Variants in ZFYVE9 observed in about 807,000 individuals in gnomAD.
ZFYVE9 encodes the protein zinc finger FYVE-type containing 9.
ZFYVE9 carries 43 observed loss-of-function variants against 126.7 expected under a neutral mutation model. The observed-to-expected ratio is 0.34, with a 90% CI of 0.27 to 0.44. The LOEUF is 0.44. Ranked by LOEUF, ZFYVE9 falls within the 20% of genes least tolerant of loss-of-function variation. ZFYVE9 has a pLI of 1.00. For synonymous variants in ZFYVE9, 521 were observed against 597.4 expected (o/e 0.87, Z 1.87); for missense variants, 1,476 against 1,697.0 (o/e 0.87, Z 2.29).
In ZFYVE9 at chr1:52,238,327, C is replaced by A. The variant is rs772697489; in HGVS notation, c.910C>A (p.Leu304Ile). The change falls in exon 4 of 19, where the codon CTA becomes ATA. Residue 304 changes from leucine (L) to isoleucine (I), a missense_variant. Transcript: ENST00000287727. Reference protein sequence around the residue: ...TGKISSPRTDLGSPNSFSHMS... With the variant: ...TGKISSPRTDIGSPNSFSHMS... ...CAAAATCAGCTCTCCTAGGACAGATCTAGGGAGTCCAAATTCCTTTTCCCA... is the reference window on the plus strand; with the variant it reads ...CAAAATCAGCTCTCCTAGGACAGATATAGGGAGTCCAAATTCCTTTTCCCA... 1 of 1,613,528 alleles carries A rather than the reference C, an allele frequency of 6.2e-7. No individual in the cohort carries two copies. The highest frequency in any genetic ancestry group is 1.3e-5 in the African/African-American group (1 of 74,904).
At chr1:52,344,071 CA>C (rs112122608) in intron 17 of ZFYVE9, among the ~76,000 whole-genome samples, 1,941 of 89,746 alleles carry the variant, frequency 0.022, 14 homozygotes, top group African/African-American at 0.057. Flanking sequence ...ACTTTGTTTC[CA>C]AAAAAAAAAA....
intron 1 of ZFYVE9, among the ~76,000 whole-genome samples, chr1:52,186,066 C>T (rs1294230336): frequency 6.6e-6 from 1 of 151,710 alleles, no homozygotes; most frequent in Non-Finnish European, 1.5e-5. Context: ...CATGGTGAAA[C>T]CCCATCTCTA....
intron 1 of ZFYVE9, among the ~76,000 whole-genome samples, chr1:52,187,087 C>T (rs1221667216): frequency 4.6e-5 from 7 of 152,086 alleles, no homozygotes. Flanking sequence ...GCTACAGTAA[C>T]CAAAACAGCA....
intron 12 of ZFYVE9, among the ~76,000 whole-genome samples, chr1:52,299,349 A>T (rs904103121): frequency 6.6e-6 from 1 of 152,184 alleles, no homozygotes; most frequent in East Asian, 1.9e-4. Flanking sequence ...GTATAGGGTC[A>T]TGTCATTTGC....
rs1287338030 is a variant in ZFYVE9 at position 52,293,393 on chromosome 1, A to AG, written c.3026-60_3026-59insG. The AG allele has an allele frequency of 2.4e-4, 312 of 1,319,484 alleles. No homozygotes were observed. The African/African-American group carries it at 4.4e-3, about 19-fold the overall frequency. The allele number at this position is 1,319,484 out of a possible 1,614,324, so 81.7% of individuals were successfully genotyped here. The stretch of plus-strand genomic sequence containing the variant: ...CTCCGTCTCAAAAAAAAAAAAAAAA[A>AG]AAAAAGAAATATGATTAATTTATTG... On this transcript the variant is annotated intron_variant, in intron 10 of 18. Transcript: ENST00000287727.
In ZFYVE9 at chr1:52,266,816, C is replaced by G. The variant is rs1645638350; in HGVS notation, c.2440C>G (p.His814Asp). Residue 814 changes from histidine (H) to aspartate (D), a missense_variant, in exon 6 of 19, where the codon CAC becomes GAC. His to Asp is a moderately conservative substitution (Grantham distance 81). Transcript: ENST00000287727. ...GATGGTACCTGTGGGAGTTTTAAAGCACCCTGGAGCAGAAGGTAGGGGATC... is the reference window on the plus strand; with the variant it reads ...GATGGTACCTGTGGGAGTTTTAAAGGACCCTGGAGCAGAAGGTAGGGGATC... ...TVMVPVGVLK[H>D]PGAEVAQPRE... 1 of 1,599,416 alleles carries G rather than the reference C, an allele frequency of 6.3e-7. No individual in the cohort carries two copies. The highest frequency in any genetic ancestry group is 1.3e-5 in the African/African-American group (1 of 74,266).
chr1:52,251,723 A>G (rs561532307), intron 4 of ZFYVE9, among the ~76,000 whole-genome samples: 1 of 152,204 alleles, frequency 6.6e-6, no homozygotes, highest in Non-Finnish European at 1.5e-5. Flanking sequence ...GGAGTTAGGA[A>G]GTATTTCCTC....
At chr1:52,177,364 G>T (rs991011603) in intron 1 of ZFYVE9, among the ~76,000 whole-genome samples, 1 of 152,120 alleles carries the variant, frequency 6.6e-6, no homozygotes, top group African/African-American at 2.4e-5. Context: ...TGGCCAGGCT[G>T]GTCTTGAACT....
At position 52,337,859 on chromosome 1, in the gene ZFYVE9, G is replaced by A; in HGVS notation, c.3758G>A (p.Gly1253Glu). The change falls in exon 16 of 19, where the codon GGG (glycine) becomes GAG (glutamate). Residue 1253 changes from glycine (G) to glutamate (E), a missense_variant. Gly to Glu is a moderately conservative substitution (Grantham distance 98). Transcript: ENST00000287727. ...ATGAAGGACTTCACCATCACCTGTG[G>A]GAAGGCGGACGCGGAGGAACCCCAG... The part of the protein sequence containing the change: ...REMKDFTITC[G>E]KADAEEPQEH... 1 of 1,614,248 alleles carries A rather than the reference G, an allele frequency of 6.2e-7. No homozygotes were observed. Among genetic ancestry groups the A allele is most frequent in the Non-Finnish European group, 8.5e-7 (1 of 1,180,040 alleles).
At chr1:52,252,109 G>T in intron 4 of ZFYVE9, 1 of 162,804 alleles carries the variant, frequency 6.1e-6, no homozygotes. Flanking sequence ...ATTTATTTTT[G>T]GTTATGATAG....
At chr1:52,292,299 C>A (rs552648318) in intron 10 of ZFYVE9, among the ~76,000 whole-genome samples, 90 of 140,454 alleles carry the variant, frequency 6.4e-4, no homozygotes, top group Admixed American at 2.8e-3. Flanking sequence ...AAAAAAAAAA[C>A]AAAACGAGAA....
chr1:52,296,274 G>A (rs1645974547), intron 12 of ZFYVE9, among the ~76,000 whole-genome samples: 1 of 151,892 alleles, frequency 6.6e-6, no homozygotes, highest in East Asian at 1.9e-4. Flanking sequence ...GTCCAACCTT[G>A]CAGAATTATT....
At chr1:52,266,960 G>A in intron 6 of ZFYVE9, 129 bp downstream of exon 6, 1 of 788,342 alleles carries the variant, frequency 1.3e-6, no homozygotes, top group Non-Finnish European at 1.9e-6. Context: ...TATTAAAATG[G>A]AACAACAAGG....
chr1:52,344,225 T>TGG (rs1281041822), intron 17 of ZFYVE9, among the ~76,000 whole-genome samples: 1 of 152,210 alleles, frequency 6.6e-6, no homozygotes, highest in Non-Finnish European at 1.5e-5. Flanking sequence ...GCCTCTATAG[T>TGG]GGCAGGGCTG....
At chr1:52,148,087 CT>C (rs1644320946) in intron 1 of ZFYVE9, among the ~76,000 whole-genome samples, 1 of 149,932 alleles carries the variant, frequency 6.7e-6, no homozygotes, top group Non-Finnish European at 1.5e-5. Flanking sequence ...TGGTTAATAA[CT>C]TTTATTTACA....
intron 13 of ZFYVE9, among the ~76,000 whole-genome samples, chr1:52,306,828 G>T (rs1646089453): frequency 6.6e-6 from 1 of 152,222 alleles, no homozygotes. Flanking sequence ...CAGGCACCTG[G>T]AGCTACCTGC....
At chr1:52,288,942 A>G (rs545192603) in intron 10 of ZFYVE9, among the ~76,000 whole-genome samples, 18 of 147,788 alleles carry the variant, frequency 1.2e-4, no homozygotes, top group South Asian at 4.2e-4. Flanking sequence ...AAAAAAAAAA[A>G]AAAAGAAAAA....
intron 5 of ZFYVE9, among the ~76,000 whole-genome samples, chr1:52,266,202 A>G (rs996568679): frequency 1.3e-5 from 2 of 151,858 alleles, no homozygotes; most frequent in Admixed American, 6.6e-5. Context: ...GGTTCATGCC[A>G]TTCTCCTGCC....
chr1:52,151,778 A>G (rs745476867), intron 1 of ZFYVE9, among the ~76,000 whole-genome samples: 1 of 151,914 alleles, frequency 6.6e-6, no homozygotes, highest in African/African-American at 2.4e-5. Flanking sequence ...CGGCCTCCCA[A>G]AGTGCTGGGA....
Sources: gnomAD v4.1 joint callset for allele counts (sites outside exome capture counted in the v4.1 genomes callset) on GRCh38, gnomAD v4.1.1 for gene constraint, MANE v1.5 for transcripts, NCBI Gene and HGNC (gene_info 2026-07-23, HGNC 2026-07-21) for gene names.